Variants in HNRNPUL1 observed in about 807,000 individuals in gnomAD.
The protein encoded by HNRNPUL1 is heterogeneous nuclear ribonucleoprotein U-like protein 1.
Under a neutral mutation model 108.5 loss-of-function variants are expected in HNRNPUL1, and 14 were observed. The ratio of observed to expected loss-of-function variants is 0.13; its 90% confidence interval spans 0.09 to 0.20. HNRNPUL1 has a LOEUF of 0.20. HNRNPUL1 is among the 10% of genes least tolerant of loss of function. HNRNPUL1 has a pLI of 1.00. For synonymous variants in HNRNPUL1, 422 were observed against 445.2 expected (o/e 0.95, Z 0.66); for missense variants, 804 against 1,168.3 (o/e 0.69, Z 4.55).
intron 1 of HNRNPUL1, among the ~76,000 whole-genome samples, chr19:41,267,790 G>T (rs1289515574): frequency 6.6e-6 from 1 of 152,202 alleles, no homozygotes; most frequent in African/African-American, 2.4e-5. Flanking sequence ...TTGGCTGCAA[G>T]GTTCTTGAGG....
chr19:41,302,296 G>A (rs150054460), intron 11 of HNRNPUL1: 17 of 306,746 alleles, frequency 5.5e-5, no homozygotes, highest in East Asian at 3.3e-4. Context: ...TTGGCTCACC[G>A]CAACCTCCGC....
rs1179098481 is a variant in HNRNPUL1, at chr19:41,306,351, C to T, written c.2455-98C>T. 1.9e-5 allele frequency: 14 copies of T among 748,132 alleles called. No individual in the cohort carries two copies. In the East Asian group the frequency reaches 2.6e-4, roughly 14 times the overall value. 46.3% of individuals were successfully genotyped at this position (748,132 alleles called of 1,614,324 possible). A position where few individuals can be genotyped will look rare whatever the true frequency, so the allele number is the denominator to read the frequency against. On this transcript the variant is annotated intron_variant, in intron 14 of 14. Coordinates refer to ENST00000392006, the MANE Select transcript of HNRNPUL1 (RefSeq NM_007040.6). ...GGGGACCTGTGTTCAACTGTTGTCA[C>T]TGCAGCTGTCTCTGCCCTAGGTGAG...
Position 41,278,904 on chromosome 19 carries a change from G to A in HNRNPUL1, c.787-173G>A, listed in dbSNP as rs77612505. The stretch of plus-strand genomic sequence containing the variant: ...CCTGTACTCTACTGATCCCTTTGGA[G>A]GCCCTGGCTTCGATTCGGTTCAACA... On this transcript the variant is annotated intron_variant, in intron 5 of 14. Transcript: ENST00000392006. 9.6e-3 allele frequency among the ~76,000 whole-genome samples: 1,461 copies of A among 152,264 alleles called. 10 individuals carry two copies. Among genetic ancestry groups the A allele is most frequent in the Middle Eastern group, 0.02 (6 of 294 alleles).
chr19:41,264,912 T>A, intron 1 of HNRNPUL1, 114 bp downstream of exon 1: 2 of 1,332,486 alleles, frequency 1.5e-6, no homozygotes, highest in South Asian at 4.0e-5. Context: ...GATCGGGGGA[T>A]CCCGCTACCC....
At position 41,281,381 on chromosome 19, in the gene HNRNPUL1, G is replaced by A. The variant is rs146136606; in HGVS notation, c.999+106G>A. On this transcript the variant is annotated intron_variant, in intron 7 of 14. Coordinates refer to ENST00000392006, the MANE Select transcript of HNRNPUL1 (RefSeq NM_007040.6). ...GTCTGCCCCATATCCAGCCACTCTC[G>A]CCATACTTCTTTGTCTCTGCTTGAC... is the stretch of plus-strand genomic sequence containing the variant. 826 of 699,036 alleles carry A rather than the reference G, an allele frequency of 1.2e-3. 6 individuals are homozygous for A. The African/African-American group carries it at 0.012, about 10-fold the overall frequency. The allele number at this position is 699,036 out of a possible 1,614,324, so 43.3% of individuals were successfully genotyped here.
chr19:41,292,379 A>G lies in HNRNPUL1; in HGVS notation c.1134A>G (p.Ala378=). The G allele has an allele frequency of 1.9e-6, 3 of 1,614,198 alleles. No individual in the cohort carries two copies. The highest frequency in any genetic ancestry group is 1.1e-5 in the South Asian group (1 of 91,088). ...LYPHVLVKNC[A]VEFNFGQRAE... is the part of the protein sequence containing the mutation. ...CTCATGTCCTGGTGAAGAATTGCGC[A>G]GTGGAGTTCAACTTCGGACAGAGAG... is the stretch of plus-strand genomic sequence containing the variant. The change falls in exon 8 of 15, where the codon GCA becomes GCG. Residue 378 remains alanine, a synonymous_variant. Transcript: ENST00000392006. This position sits in a 1 kb window ranked among gnomAD's most constrained non-coding sequence, Gnocchi z 4.1.
chr19:41,286,338 G>A (rs1017391288), intron 7 of HNRNPUL1: 2 of 152,144 alleles, frequency 1.3e-5, no homozygotes, highest in African/African-American at 2.4e-5. Flanking sequence ...AAGGTCAGCT[G>A]TGTTTTCATC....
chr19:41,289,666 A>G (rs544811515), intron 7 of HNRNPUL1, among the ~76,000 whole-genome samples: 6 of 151,136 alleles, frequency 4.0e-5, no homozygotes, highest in Admixed American at 2.6e-4. Flanking sequence ...GCTGGTGGCC[A>G]TAAGGAAGGC....
intron 7 of HNRNPUL1, among the ~76,000 whole-genome samples, chr19:41,287,095 A>G (rs1599814465): frequency 1.3e-5 from 2 of 151,886 alleles, no homozygotes; most frequent in South Asian, 4.2e-4. Flanking sequence ...GGCTCACTGC[A>G]AGTTCTGCCT....
chr19:41,291,138 CA>C (rs1285686693), intron 7 of HNRNPUL1, among the ~76,000 whole-genome samples: 3 of 152,190 alleles, frequency 2.0e-5, no homozygotes, highest in Non-Finnish European at 1.5e-5. Context: ...CATGGCTCTT[CA>C]GCTGTTCCTG....
At chr19:41,291,846 TGGA>T in intron 7 of HNRNPUL1, 3 of 182,442 alleles carry the variant, frequency 1.6e-5, no homozygotes, top group Admixed American at 5.5e-5. Flanking sequence ...TAGCCAGGTG[TGGA>T]ACATGCCTGT....
At chr19:41,273,064 T>C (rs1243180471) in intron 3 of HNRNPUL1, among the ~76,000 whole-genome samples, 1 of 152,258 alleles carries the variant, frequency 6.6e-6, no homozygotes, top group Non-Finnish European at 1.5e-5. Context: ...AGTTAGGACA[T>C]GGATCCCACC....
intron 6 of HNRNPUL1, among the ~76,000 whole-genome samples, chr19:41,280,076 T>G (rs2035814300): frequency 6.6e-6 from 1 of 152,232 alleles, no homozygotes; most frequent in Non-Finnish European, 1.5e-5. Flanking sequence ...ACTTGAGCCA[T>G]TATCCTGGTC....
chr19:41,276,173 C>T lies in HNRNPUL1; in HGVS notation c.661C>T (p.His221Tyr). The change falls in exon 5 of 15, where the codon CAC becomes TAC. Residue 221 changes from histidine (H) to tyrosine (Y), a missense_variant. This residue lies in a region of HNRNPUL1 where 174 missense variants were observed against 296.6 expected (regional missense o/e 0.59). Transcript: ENST00000392006. ...TTCCTTCACAGATAACTGCGACCTCCACTTCAAGGTGGCCCGAGATCGGAG... is the reference window on the plus strand; with the variant it reads ...TTCCTTCACAGATAACTGCGACCTCTACTTCAAGGTGGCCCGAGATCGGAG... ...VAIDTYNCDL[H>Y]FKVARDRSSG... 1 of 1,613,992 alleles carries T rather than the reference C, an allele frequency of 6.2e-7. No individual in the cohort carries two copies. The highest frequency in any genetic ancestry group is 2.2e-5 in the East Asian group (1 of 44,870).
intron 11 of HNRNPUL1, 130 bp downstream of exon 11, chr19:41,301,834 T>G (rs2037229261): frequency 3.5e-6 from 3 of 854,134 alleles, no homozygotes; most frequent in Non-Finnish European, 5.2e-6. Context: ...TTGCTTCTGC[T>G]TTGTCCCTTC....
intron 2 of HNRNPUL1, among the ~76,000 whole-genome samples, chr19:41,270,511 C>T (rs371292559): frequency 2.7e-5 from 4 of 150,862 alleles, no homozygotes; most frequent in Admixed American, 6.6e-5. Context: ...TGTGTTGTAT[C>T]GTTTAAACTT....
intron 4 of HNRNPUL1, 145 bp downstream of exon 4, chr19:41,274,200 AGTACTG>A (rs2035411801): frequency 1.4e-6 from 1 of 699,124 alleles, no homozygotes; most frequent in Non-Finnish European, 2.5e-6. Context: ...CTGGAGCAAG[AGTACTG>A]GTTTGGAGGC....
intron 2 of HNRNPUL1, among the ~76,000 whole-genome samples, chr19:41,271,755 C>G (rs2035253596): frequency 6.6e-6 from 1 of 152,198 alleles, no homozygotes; most frequent in Non-Finnish European, 1.5e-5. Context: ...GAGTTAGCTG[C>G]AGGACCACAG....
intron 1 of HNRNPUL1, chr19:41,265,401 A>G (rs911732577): frequency 6.7e-7 from 1 of 1,499,650 alleles, no homozygotes; most frequent in Non-Finnish European, 8.9e-7. Context: ...GGAGGGTCCT[A>G]ATGGACTCAG....
Sources: allele counts gnomAD v4.1 joint callset (sites outside exome capture counted in the v4.1 genomes callset), GRCh38; gene constraint gnomAD v4.1.1; regional missense constraint gnomAD v4.1.1; non-coding constraint Gnocchi (gnomAD v3.1); transcripts MANE v1.5; gene names NCBI Gene and HGNC (gene_info 2026-07-23, HGNC 2026-07-21).